LAMA2: variants seen among roughly 807,000 people sequenced by gnomAD.
LAMA2 encodes the protein laminin subunit alpha-2.
In LAMA2, 269 loss-of-function variants were observed where a neutral mutation model predicts 364.8. The observed-to-expected ratio is 0.74, with a 90% CI of 0.67 to 0.82. The LOEUF is 0.82. LAMA2 is among the 40% of genes least tolerant of loss of function. The pLI is 0.00. For missense variants in LAMA2, 3,807 were observed against 3,873.2 expected (o/e 0.98, Z 0.45); for synonymous variants, 1,379 against 1,370.6 (o/e 1.01, Z -0.14).
intron 1 of LAMA2, among the ~76,000 whole-genome samples, chr6:129,010,427 G>A (rs1314628109): frequency 2.6e-5 from 4 of 152,096 alleles, no homozygotes; most frequent in Non-Finnish European, 5.9e-5. Flanking sequence ...TATGGCAAAC[G>A]CTCACACACA....
chr6:129,416,110 G>A lies in LAMA2; in HGVS notation c.5866-11642G>A, dbSNP rs545601077. Among the ~76,000 whole-genome samples the A allele has an allele frequency of 4.1e-4, 40 of 97,258 alleles. 12 individuals carry two copies. The highest frequency in any genetic ancestry group is 1.3e-3 in the Admixed American group (14 of 10,410). The allele number at this position is 97,258 out of a possible 152,430, so 63.8% of individuals were successfully genotyped here. On this transcript the variant is annotated intron_variant, in intron 40 of 64. Transcript: ENST00000421865. ...ACTACAGGCGCCCGCCACTACGCCCGGCTAATTTTTTTGTATTTTTAGTAG... is the reference window on the plus strand; with the variant it reads ...ACTACAGGCGCCCGCCACTACGCCCAGCTAATTTTTTTGTATTTTTAGTAG...
intron 41 of LAMA2, among the ~76,000 whole-genome samples, chr6:129,432,023 A>G (rs1014717218): frequency 1.2e-4 from 19 of 152,224 alleles, no homozygotes; most frequent in Admixed American, 3.9e-4. Flanking sequence ...TTTTATTATT[A>G]AAGATATACT....
chr6:129,381,424 G>A (rs1778683700), intron 34 of LAMA2, among the ~76,000 whole-genome samples: 1 of 151,814 alleles, frequency 6.6e-6, no homozygotes, highest in African/African-American at 2.4e-5. Context: ...TCACTGCCAA[G>A]CTGTTGACCT....
chr6:129,259,870 C>G (rs1787000873), intron 14 of LAMA2, among the ~76,000 whole-genome samples: 1 of 152,046 alleles, frequency 6.6e-6, no homozygotes, highest in African/African-American at 2.4e-5. Context: ...GTCTATTTGA[C>G]TCACAAAACT....
intron 61 of LAMA2, 114 bp from the exon 62 acceptor site, chr6:129,507,375 C>T: frequency 8.8e-7 from 1 of 1,134,186 alleles, no homozygotes; most frequent in South Asian, 1.3e-5. Flanking sequence ...GATATCCCAT[C>T]CTAAGACAAC....
chr6:128,953,368 C>T (rs1479100687), intron 1 of LAMA2, among the ~76,000 whole-genome samples: 3 of 152,028 alleles, frequency 2.0e-5, no homozygotes, highest in African/African-American at 7.2e-5. Context: ...ATTAGCTTTA[C>T]AGATAGTAGA....
At chr6:129,077,187 C>CCTCAATTG (rs1773719681) in intron 3 of LAMA2, among the ~76,000 whole-genome samples, 1 of 152,022 alleles carries the variant, frequency 6.6e-6, no homozygotes, top group Non-Finnish European at 1.5e-5. Flanking sequence ...ATTATCCTTA[C>CCTCAATTG]CTCTACCCTC....
chr6:128,947,720 A>AT (rs1460026152), intron 1 of LAMA2, among the ~76,000 whole-genome samples: 3 of 152,122 alleles, frequency 2.0e-5, no homozygotes, highest in Admixed American at 6.6e-5. Context: ...GCTGTTACAT[A>AT]TTTTTTTGGT....
At chr6:128,902,369 C>T (rs1582633666) in intron 1 of LAMA2, among the ~76,000 whole-genome samples, 2 of 152,252 alleles carry the variant, frequency 1.3e-5, no homozygotes, top group East Asian at 3.9e-4. Context: ...AATTCAATCA[C>T]TATTGATGTC....
At chr6:129,163,108 T>A (rs1225800526) in intron 8 of LAMA2, among the ~76,000 whole-genome samples, 4 of 152,196 alleles carry the variant, frequency 2.6e-5, no homozygotes, top group South Asian at 2.1e-4. Flanking sequence ...CTATTTTTTT[T>A]ATTTTTACTT....
intron 10 of LAMA2, 60 bp downstream of exon 10, chr6:129,177,926 T>C: frequency 6.5e-7 from 1 of 1,532,824 alleles, no homozygotes; most frequent in African/African-American, 1.4e-5. Flanking sequence ...TTTCTTGGCT[T>C]CTCTGTTGAT....
At chr6:129,106,861 CAAAA>C (rs373033392) in intron 4 of LAMA2, among the ~76,000 whole-genome samples, 2 of 132,252 alleles carry the variant, frequency 1.5e-5, no homozygotes, top group Non-Finnish European at 3.3e-5. Context: ...CTTACTCCTC[CAAAA>C]AAAAAAAAAA....
At chr6:129,404,154 C>T (rs1780126617) in intron 40 of LAMA2, among the ~76,000 whole-genome samples, 195 bp downstream of exon 40, 1 of 152,152 alleles carries the variant, frequency 6.6e-6, no homozygotes, top group Admixed American at 6.6e-5. Context: ...CAGTCACCCA[C>T]TACCACTGTT....
chr6:129,398,269 C>T lies in LAMA2; in HGVS notation c.5446-2955C>T, dbSNP rs79026199. ...GGCAGTTGTGTAAAAGAATGTTAGA[C>T]CCTTGGAAGATAAGATATGACTTGT... On this transcript the variant is annotated intron_variant, in intron 37 of 64. Coordinates refer to ENST00000421865, the MANE Select transcript of LAMA2 (RefSeq NM_000426.4). 1.1e-3 allele frequency among the ~76,000 whole-genome samples: 172 copies of T among 152,036 alleles called. 1 individual carries two copies. The highest frequency in any genetic ancestry group is 3.9e-3 in the African/African-American group (163 of 41,442).
chr6:129,462,012 G>A (rs1056281478), intron 49 of LAMA2, among the ~76,000 whole-genome samples: 4 of 151,994 alleles, frequency 2.6e-5, no homozygotes, highest in African/African-American at 7.2e-5. Context: ...CAGAGGAGGT[G>A]ACATTTGAAA....
At chr6:129,141,350 G>A (rs1166873012) in intron 4 of LAMA2, among the ~76,000 whole-genome samples, 1 of 151,874 alleles carries the variant, frequency 6.6e-6, no homozygotes, top group Non-Finnish European at 1.5e-5. Flanking sequence ...CAGAAATGCG[G>A]ATCTTGAGGA....
intron 4 of LAMA2, among the ~76,000 whole-genome samples, chr6:129,119,409 A>T (rs1204586632): frequency 2.0e-5 from 3 of 152,122 alleles, no homozygotes; most frequent in Non-Finnish European, 4.4e-5. Context: ...CTTGATTATA[A>T]GCAATGTTGT....
chr6:129,480,826 A>G (rs750594640), intron 54 of LAMA2, among the ~76,000 whole-genome samples: 7 of 152,200 alleles, frequency 4.6e-5, no homozygotes, highest in Non-Finnish European at 7.4e-5. Flanking sequence ...ACCCATCTGT[A>G]AAACATAAAC....
At chr6:128,955,393 T>G (rs1170564763) in intron 1 of LAMA2, among the ~76,000 whole-genome samples, 1 of 151,984 alleles carries the variant, frequency 6.6e-6, no homozygotes, top group Non-Finnish European at 1.5e-5. Context: ...AGAACCAGGA[T>G]TTAGGCACTA....
Sources: allele counts gnomAD v4.1 joint callset (sites outside exome capture counted in the v4.1 genomes callset), GRCh38; gene constraint gnomAD v4.1.1; transcripts MANE v1.5; gene names NCBI Gene and HGNC (gene_info 2026-07-23, HGNC 2026-07-21).